The following SRCAP variants were observed in gnomAD, a reference collection of about 807,000 sequenced individuals.
SRCAP encodes the protein Snf2 related CREBBP activator protein, also known as chromatin remodeling protein SRCAP.
In SRCAP, 46 loss-of-function variants were observed where a neutral mutation model predicts 263.1. The observed-to-expected ratio is 0.17, with a 90% CI of 0.14 to 0.22. The LOEUF (loss-of-function observed/expected upper bound fraction) is 0.22, where lower values mean the gene tolerates loss of function less well. Among genes scored for constraint, SRCAP ranks in the 10% least tolerant of loss-of-function variants. The pLI is 1.00. For synonymous variants in SRCAP, 1,813 were observed against 1,662.1 expected, an observed-to-expected ratio of 1.09 and a Z score of -2.21; for missense variants, 3,695 against 4,181.9, an observed-to-expected ratio of 0.88 and a Z score of 3.21.
At chr16:30,728,234 G>C (rs1432448486) in intron 25 of SRCAP, among the ~76,000 whole-genome samples, 2 of 152,196 alleles carry the variant, frequency 1.3e-5, no homozygotes, top group Non-Finnish European at 2.9e-5. Flanking sequence ...AATTGTGCTA[G>C]TTACTGAGTG....
chr16:30,733,481 C>T lies in SRCAP; in HGVS notation c.6297+32C>T, dbSNP rs1209616206. 4 of 1,613,078 alleles carry T rather than the reference C, an allele frequency of 2.5e-6. No individual in the cohort carries two copies. Among genetic ancestry groups the T allele is most frequent in the Non-Finnish European group, 3.4e-6 (4 of 1,179,274 alleles). Reference sequence around the variant, plus strand: ...CAGGTTTCTGCAGCTCTTAGAGGCTCACCTCCGCTTCTCTCTCCTTTTCCC... The same window carrying T: ...CAGGTTTCTGCAGCTCTTAGAGGCTTACCTCCGCTTCTCTCTCCTTTTCCC... On this transcript the variant is annotated intron_variant, in intron 28 of 33. Transcript: ENST00000262518. The surrounding 1 kb of genome is among the most constrained non-coding windows in gnomAD (Gnocchi z 5.3).
intron 31 of SRCAP, 36 bp from the exon 32 acceptor site, chr16:30,736,164 T>A (rs779079844): frequency 6.2e-7 from 1 of 1,610,750 alleles, no homozygotes; most frequent in Non-Finnish European, 8.5e-7. Flanking sequence ...GTACTTGAAG[T>A]CTCATGTTTT....
Position 30,729,480 on chromosome 16 carries a change from C to G in SRCAP, c.6035C>G (p.Ser2012Cys), listed in dbSNP as rs1269521471. Residue 2012 changes from serine to cysteine, a missense_variant, in exon 27 of 34, where the codon TCT (serine) becomes TGT (cysteine). Coordinates refer to ENST00000262518, the MANE Select transcript of SRCAP (RefSeq NM_006662.3). ...RQAAFQEQLA[S>C]ELWPRARPLH... ...GCAGCCTTCCAGGAGCAATTGGCCT[C>G]TGAGCTCTGGCCCCGGGCTCGTCCT... The G allele has an allele frequency of 1.2e-6, 2 of 1,614,210 alleles. No homozygotes were observed. Among genetic ancestry groups the G allele is most frequent in the Admixed American group, 1.7e-5 (1 of 60,024 alleles).
rs2053177061 is a variant in SRCAP, at chr16:30,737,937, C to T, written c.7897C>T (p.Leu2633Phe). The part of the protein sequence containing the change: ...EAPDSAEGTT[L>F]TVLPEGEELP... ...ACCAGATTCTGCTGAGGGGACCACC[C>T]TTACAGTGCTGCCTGAAGGTGAGGA... Residue 2633 changes from leucine to phenylalanine, a missense_variant, in exon 34 of 34, where the codon CTT becomes TTT. This residue lies in a region of SRCAP where 1,207 missense variants were observed against 1,142.9 expected (regional missense o/e 1.06). Coordinates refer to ENST00000262518, the MANE Select transcript of SRCAP (RefSeq NM_006662.3). 1 of 1,614,062 alleles carries T rather than the reference C, an allele frequency of 6.2e-7. No homozygotes were observed. The highest frequency in any genetic ancestry group is 8.5e-7 in the Non-Finnish European group (1 of 1,180,048).
chr16:30,736,684 C>G (rs2053163345), intron 33 of SRCAP, 60 bp downstream of exon 33: 2 of 1,568,362 alleles, frequency 1.3e-6, no homozygotes, highest in Non-Finnish European at 1.7e-6. Flanking sequence ...TTTCTTTTCT[C>G]TTTTTTTTGA....
chr16:30,738,333 C>T lies in SRCAP; in HGVS notation c.8293C>T (p.Arg2765Trp), dbSNP rs1325039601. ...VTVVEEKELV[R>W]RRRQQRGAAS... ...TGTGGTAGAGGAAAAGGAACTGGTG[C>T]GGCGGCGGCGGCAGCAGCGGGGAGC... The change falls in exon 34 of 34, where the codon CGG becomes TGG. Residue 2765 changes from arginine to tryptophan, a missense_variant. Physicochemically the swap from Arg to Trp is moderately radical, Grantham distance 101. This residue lies in a region of SRCAP where 1,207 missense variants were observed against 1,142.9 expected (regional missense o/e 1.06). Coordinates refer to ENST00000262518, the MANE Select transcript of SRCAP (RefSeq NM_006662.3). The T allele has an allele frequency of 1.3e-5, 21 of 1,573,420 alleles. No homozygotes were observed. Among genetic ancestry groups the T allele is most frequent in the Admixed American group, 7.3e-5 (4 of 54,686 alleles).
At chr16:30,710,966 T>G (rs1242428530) in intron 9 of SRCAP, 33 bp from the exon 10 acceptor site, 1 of 1,603,496 alleles carries the variant, frequency 6.2e-7, no homozygotes, top group Non-Finnish European at 8.5e-7. Flanking sequence ...CTAGCCTCTA[T>G]CCCTATTAAT....
chr16:30,737,557 C>T lies in SRCAP; in HGVS notation c.7517C>T (p.Thr2506Ile), dbSNP rs1456710145. The change falls in exon 34 of 34, where the codon ACC (threonine) becomes ATC (isoleucine). Residue 2506 changes from threonine (T) to isoleucine (I), a missense_variant. Physicochemically the swap from Thr to Ile is moderately conservative, Grantham distance 89. This residue lies in a region of SRCAP where 1,207 missense variants were observed against 1,142.9 expected (regional missense o/e 1.06). Coordinates refer to ENST00000262518, the MANE Select transcript of SRCAP (RefSeq NM_006662.3). ...SPACTPPPAC[T>I]PPPAHTPPPA... ...GCCTGCACCCCTCCTCCTGCCTGTA[C>T]CCCTCCACCAGCTCATACACCGCCT... is the stretch of plus-strand genomic sequence containing the variant. 2 of 1,613,796 alleles carry T rather than the reference C, an allele frequency of 1.2e-6. No homozygotes were observed. The highest frequency in any genetic ancestry group is 1.3e-5 in the African/African-American group (1 of 75,026).
At chr16:30,736,998 T>A in intron 33 of SRCAP, 51 bp from the exon 34 acceptor site, 4 of 1,526,560 alleles carry the variant, frequency 2.6e-6, no homozygotes, top group Non-Finnish European at 3.5e-6. Flanking sequence ...TTCTACTCAC[T>A]CTCTACTCTG....
In SRCAP at chr16:30,737,409, C is replaced by T. The variant is rs1213777467; in HGVS notation, c.7369C>T (p.Leu2457Phe). The T allele has an allele frequency of 1.2e-6, 2 of 1,608,166 alleles. No homozygotes were observed. The highest frequency in any genetic ancestry group is 1.7e-5 in the Admixed American group (1 of 59,038). The part of the protein sequence containing the change: ...PASAPAAIPA[L>F]VPVPVSAPVP... ...TTCAGCTCCGGCTGCAATTCCTGCCCTTGTTCCTGTCCCAGTTTCTGCCCC... is the reference window on the plus strand; with the variant it reads ...TTCAGCTCCGGCTGCAATTCCTGCCTTTGTTCCTGTCCCAGTTTCTGCCCC... The change falls in exon 34 of 34, where the codon CTT becomes TTT. Residue 2457 changes from leucine to phenylalanine, a missense_variant. Transcript: ENST00000262518.
intron 18 of SRCAP, among the ~76,000 whole-genome samples, chr16:30,717,145 A>T (rs2052958729): frequency 6.6e-6 from 1 of 152,092 alleles, no homozygotes; most frequent in Non-Finnish European, 1.5e-5. Context: ...ACCCATATTA[A>T]TGAGTGTGAA....
At chr16:30,703,245 C>T (rs193197216) in intron 3 of SRCAP, among the ~76,000 whole-genome samples, 10 of 151,368 alleles carry the variant, frequency 6.6e-5, no homozygotes, top group African/African-American at 1.7e-4. Context: ...AATGCAGTGG[C>T]GCGATCTCGG....
At position 30,724,958 on chromosome 16, in the gene SRCAP, A is replaced by G; in HGVS notation, c.5534A>G (p.Lys1845Arg). The G allele has an allele frequency of 1.9e-6, 3 of 1,614,146 alleles. No individual in the cohort carries two copies. The highest frequency in any genetic ancestry group is 2.5e-6 in the Non-Finnish European group (3 of 1,180,022). ...VTMVSRLPVS[K>R]DEPDTLTLRS... ...ATGGTATCCCGGCTGCCTGTTTCCA[A>G]GGATGAGCCTGACACACTGACATTG... is the stretch of plus-strand genomic sequence containing the variant. The change falls in exon 25 of 34, where the codon AAG (lysine) becomes AGG (arginine). Residue 1845 changes from lysine to arginine, a missense_variant. Transcript: ENST00000262518.
At position 30,716,140 on chromosome 16, in the gene SRCAP, T is replaced by C; in HGVS notation, c.2568T>C (p.Val856=). The change falls in exon 17 of 34, where the codon GTT becomes GTC. Residue 856 remains valine (V), a synonymous_variant. Coordinates refer to ENST00000262518, the MANE Select transcript of SRCAP (RefSeq NM_006662.3). ...AGATGCCCAAAAAGTACGAGCATGT[T>C]ATCCGCTGCAGGCTCTCCAAGCGTC... is the stretch of plus-strand genomic sequence containing the variant. The part of the protein sequence containing the change: ...EKQMPKKYEH[V]IRCRLSKRQR... 1 of 1,614,226 alleles carries C rather than the reference T, an allele frequency of 6.2e-7. No homozygotes were observed. The highest frequency in any genetic ancestry group is 8.5e-7 in the Non-Finnish European group (1 of 1,180,044).
chr16:30,738,880 A>T lies in SRCAP; in HGVS notation c.8840A>T (p.Asp2947Val). ...RRRGRPPKAR[D>V]LPIPGTISSA... ...CGAGGACGACCCCCTAAAGCACGAG[A>T]TTTGCCCATCCCTGGGACCATTTCC... Residue 2947 changes from aspartate to valine, a missense_variant, in exon 34 of 34, where the codon GAT becomes GTT. This residue lies in a region of SRCAP where 1,207 missense variants were observed against 1,142.9 expected (regional missense o/e 1.06). Transcript: ENST00000262518. 6.2e-7 allele frequency: 1 copy of T among 1,614,014 alleles called. No individual in the cohort carries two copies. The highest frequency in any genetic ancestry group is 8.5e-7 in the Non-Finnish European group (1 of 1,180,000).
chr16:30,730,729 CT>C (rs35555704), intron 27 of SRCAP, among the ~76,000 whole-genome samples: 304 of 134,330 alleles, frequency 2.3e-3, no homozygotes, highest in Middle Eastern at 4.6e-3. Context: ...TGCGCCCAGC[CT>C]TTTTTTTTTT....
intron 4 of SRCAP, 113 bp downstream of exon 4, chr16:30,704,428 G>A: frequency 7.4e-7 from 1 of 1,354,688 alleles, no homozygotes; most frequent in Non-Finnish European, 1.0e-6. Flanking sequence ...TAGGGTATAG[G>A]TTCTGCCTTA....
Position 30,712,662 on chromosome 16 carries a change from A to T in SRCAP, c.1994-17A>T. 2 of 1,613,734 alleles carry T rather than the reference A, an allele frequency of 1.2e-6. No homozygotes were observed. The highest frequency in any genetic ancestry group is 1.7e-6 in the Non-Finnish European group (2 of 1,179,836). Reference sequence around the variant, plus strand: ...AATTTACATTTCCTTACCATCTCTGATTTTTTTGCCTAACAGGTAACTGGG... The same window carrying T: ...AATTTACATTTCCTTACCATCTCTGTTTTTTTTGCCTAACAGGTAACTGGG... On this transcript the variant is annotated splice_polypyrimidine_tract_variant and intron_variant, in intron 13 of 33. Transcript: ENST00000262518.
chr16:30,700,860 C>G lies in SRCAP; in HGVS notation c.36C>G (p.Leu12=), dbSNP rs1329229540. 1 of 1,614,188 alleles carries G rather than the reference C, an allele frequency of 6.2e-7. No individual in the cohort carries two copies. The highest frequency in any genetic ancestry group is 8.5e-7 in the Non-Finnish European group (1 of 1,180,022). ...GCCCCTCCCCTGCTCACCCTCAGCT[C>G]CCAGTCCTACAGACACAGGTTTGAA... The part of the protein sequence containing the change: ...QSSPSPAHPQ[L]PVLQTQMVSD... Residue 12 remains leucine (L), a synonymous_variant, in exon 3 of 34, where the codon CTC becomes CTG. Transcript: ENST00000262518.
Sources: allele counts gnomAD v4.1 joint callset (sites outside exome capture counted in the v4.1 genomes callset), GRCh38; gene constraint gnomAD v4.1.1; regional missense constraint gnomAD v4.1.1; non-coding constraint Gnocchi (gnomAD v3.1); transcripts MANE v1.5; gene names NCBI Gene and HGNC (gene_info 2026-07-23, HGNC 2026-07-21).